Variants in SPATA9 observed in about 807,000 individuals in gnomAD.
SPATA9 encodes the protein spermatogenesis-associated protein 9.
In SPATA9, 27 loss-of-function variants were observed where a neutral mutation model predicts 25.5. That is an observed-to-expected ratio of 1.06 (90% CI 0.78 to 1.46). The LOEUF (loss-of-function observed/expected upper bound fraction) is 1.46, where lower values mean the gene tolerates loss of function less well. Ranked by LOEUF, SPATA9 falls within the 40% of genes most tolerant of loss-of-function variation. The pLI, the probability that SPATA9 is intolerant of heterozygous loss-of-function variation, is 0.00. For synonymous variants in SPATA9, 102 were observed against 105.7 expected (o/e 0.97, Z 0.21); for missense variants, 282 against 297.5 (o/e 0.95, Z 0.38).
At chr5:95,674,771 G>A (rs542933163) in intron 3 of SPATA9, 49 of 456,544 alleles carry the variant, frequency 1.1e-4, no homozygotes, top group African/African-American at 8.4e-4. Context: ...AACTCAATTG[G>A]AGCCCCATTT....
intron 2 of SPATA9, among the ~76,000 whole-genome samples, chr5:95,677,470 T>G (rs1478817881): frequency 6.6e-6 from 1 of 152,234 alleles, no homozygotes. Flanking sequence ...ATGATAATTC[T>G]CCACAAGAAA....
upstream of SPATA9, among the ~76,000 whole-genome samples, chr5:95,684,092 G>A (rs1398463415): frequency 2.0e-5 from 3 of 151,966 alleles, no homozygotes; most frequent in Non-Finnish European, 2.9e-5. Context: ...AACACCCTCC[G>A]CCATACCACA....
chr5:95,654,826 A>G (rs1750633025), downstream of SPATA9, among the ~76,000 whole-genome samples: 1 of 152,118 alleles, frequency 6.6e-6, no homozygotes, highest in African/African-American at 2.4e-5. Flanking sequence ...CTCTTTTTTC[A>G]TCAAAAAGAA....
downstream of SPATA9, chr5:95,658,118 ATT>A (rs1490514431): frequency 2.0e-5 from 3 of 152,354 alleles, no homozygotes; most frequent in Non-Finnish European, 4.4e-5. Context: ...GGTAAGTAAT[ATT>A]TTGTTTTATA....
At chr5:95,679,493 T>TA (rs2112669104) in intron 2 of SPATA9, among the ~76,000 whole-genome samples, 1 of 152,310 alleles carries the variant, frequency 6.6e-6, no homozygotes, top group South Asian at 2.1e-4. Context: ...TCTTAAGCCT[T>TA]ACCTCTCATG....
At chr5:95,688,316 G>T (rs1277631569) in intron 1 of SPATA9, among the ~76,000 whole-genome samples, 1 of 152,168 alleles carries the variant, frequency 6.6e-6, no homozygotes, top group Non-Finnish European at 1.5e-5. Context: ...GCAGTGGTGT[G>T]ATCAAAACTC....
intron 2 of SPATA9, among the ~76,000 whole-genome samples, chr5:95,678,514 A>C (rs1580337318): frequency 6.6e-6 from 1 of 152,188 alleles, no homozygotes. Flanking sequence ...TAAAAATTCC[A>C]TTGTCACTCC....
chr5:95,721,415 C>T, the SPATA9 span, among the ~76,000 whole-genome samples: 4 of 152,122 alleles, frequency 2.6e-5, no homozygotes, highest in Non-Finnish European at 5.9e-5. Context: ...TGAAGATGAA[C>T]ATTGAAAACA....
At chr5:95,690,107 A>G (rs1753844368) in intron 1 of SPATA9, among the ~76,000 whole-genome samples, 1 of 152,162 alleles carries the variant, frequency 6.6e-6, no homozygotes, top group Non-Finnish European at 1.5e-5. Context: ...GGGTAATGAA[A>G]TAATCTGTAC....
the SPATA9 span, among the ~76,000 whole-genome samples, chr5:95,717,274 A>G: frequency 2.0e-5 from 3 of 152,132 alleles, no homozygotes; most frequent in South Asian, 6.2e-4. Context: ...ACTTTTCCCT[A>G]GGTCTCCAGC....
the SPATA9 span, among the ~76,000 whole-genome samples, chr5:95,729,620 CTG>C: frequency 6.6e-6 from 1 of 152,198 alleles, no homozygotes; most frequent in African/African-American, 2.4e-5. Flanking sequence ...CAACAGATCT[CTG>C]TAACTTTTTC....
At chr5:95,701,502 C>T (rs1351623890), upstream of SPATA9, 2 of 151,848 alleles carry the variant, frequency 1.3e-5, no homozygotes, top group Non-Finnish European at 2.9e-5. Flanking sequence ...TGGTAGCATA[C>T]AGTATATTAG....
intron 3 of SPATA9, among the ~76,000 whole-genome samples, chr5:95,665,214 T>C (rs959839312): frequency 6.6e-6 from 1 of 152,244 alleles, no homozygotes; most frequent in African/African-American, 2.4e-5. Flanking sequence ...GGTGAGAACA[T>C]TAAAAGATCC....
chr5:95,731,194 G>A, the SPATA9 span: 1 of 1,004,290 alleles, frequency 1.0e-6, no homozygotes, highest in Non-Finnish European at 1.2e-6. Flanking sequence ...GAGCTCCCGG[G>A]GCCTCCGCGG....
chr5:95,720,031 A>G, the SPATA9 span, among the ~76,000 whole-genome samples: 2 of 152,198 alleles, frequency 1.3e-5, no homozygotes, highest in African/African-American at 4.8e-5. Flanking sequence ...TTTGCTACCT[A>G]TTATAAGTTT....
upstream of SPATA9, among the ~76,000 whole-genome samples, chr5:95,683,723 G>A (rs1753634629): frequency 1.3e-5 from 2 of 152,116 alleles, no homozygotes; most frequent in Admixed American, 1.3e-4. Flanking sequence ...ATTTTTAGTA[G>A]AGACGGGGTT....
chr5:95,698,099 C>CT (rs1385003266), intron 1 of SPATA9, among the ~76,000 whole-genome samples: 2 of 152,128 alleles, frequency 1.3e-5, no homozygotes, highest in African/African-American at 4.8e-5. Context: ...CTGATTTCTT[C>CT]TTTTTTCTTT....
chr5:95,731,482 AGCCC>A, the SPATA9 span: 1 of 1,230,234 alleles, frequency 8.1e-7, no homozygotes, highest in Non-Finnish European at 1.0e-6. Flanking sequence ...CCCGCCCGCT[AGCCC>A]GCCCTGGTCC....
the SPATA9 span, among the ~76,000 whole-genome samples, chr5:95,715,322 CAAAAAA>C: frequency 1.5e-5 from 1 of 67,338 alleles, no homozygotes; most frequent in South Asian, 4.6e-4. Context: ...GATTCCATCT[CAAAAAA>C]AAAAAAAAAA....
Sources: allele counts gnomAD v4.1 joint callset (sites outside exome capture counted in the v4.1 genomes callset), GRCh38; gene constraint gnomAD v4.1.1; transcripts MANE v1.5; gene names NCBI Gene and HGNC (gene_info 2026-07-23, HGNC 2026-07-21).